CIRBP: variants seen among roughly 807,000 people sequenced by gnomAD.
CIRBP encodes the protein cold-inducible RNA-binding protein.
A neutral mutation model predicts 22.3 loss-of-function variants in CIRBP; 11 were observed. The ratio of observed to expected loss-of-function variants is 0.49; its 90% CI spans 0.31 to 0.82. CIRBP has a LOEUF of 0.82. CIRBP is among the 40% of genes least tolerant of loss of function. The pLI is 0.05. For synonymous variants in CIRBP, 216 were observed against 158.8 expected (o/e 1.36, Z -2.71); for missense variants, 456 against 402.7 (o/e 1.13, Z -1.13).
rs753333330 is a variant in CIRBP, at chr19:1,271,293, A to G, written c.211-36A>G. 3 of 1,613,938 alleles carry G rather than the reference A, an allele frequency of 1.9e-6. No homozygotes were observed. In the South Asian group the frequency reaches 3.3e-5, roughly 18 times the overall value. On this transcript the variant is annotated intron_variant, in intron 3 of 5. Transcript: ENST00000587896. ...AGGAGTCCCGTCTCGAGGATGGGGCACCCACCTGCTAACCCGTCCCGCCCT... is the reference window on the plus strand; with the variant it reads ...AGGAGTCCCGTCTCGAGGATGGGGCGCCCACCTGCTAACCCGTCCCGCCCT...
At chr19:1,274,844 G>C (rs546625390), downstream of CIRBP, 1 of 152,830 alleles carries the variant, frequency 6.5e-6, no homozygotes, top group Admixed American at 6.5e-5. Flanking sequence ...TCTGTCGGCG[G>C]AGCGGGGCCA....
intron 1 of CIRBP, 109 bp downstream of exon 1, chr19:1,269,519 G>GGGGTGGAGTCCGCCCCGCC (rs2081296907): frequency 6.4e-6 from 1 of 155,208 alleles, no homozygotes; most frequent in Non-Finnish European, 1.4e-5. Flanking sequence ...GGGCGGGCCC[G>GGGGTGGAGTCCGCCCCGCC]GGGTGGAGTC....
rs548308412 is a variant in CIRBP at position 1,271,068 on chromosome 19, C to CG, written c.103+39dup. ...CTGCTGCTGGGCCCGCGGCCCTGGG[C>CG]GGGGGGGCTTGTGCTCCTCCTACCT... is the stretch of plus-strand genomic sequence containing the variant. On this transcript the variant is annotated intron_variant, in intron 2 of 5. Transcript: ENST00000587896. 378 of 1,609,788 alleles carry CG rather than the reference C, an allele frequency of 2.3e-4. 2 individuals are homozygous for CG. In the East Asian group the frequency reaches 4.4e-3, roughly 19 times the overall value.
In CIRBP at chr19:1,271,460, C is replaced by T. The variant is rs2081338211; in HGVS notation, c.342C>T (p.Phe114=). The change falls in exon 4 of 6, where the codon TTC becomes TTT. Residue 114 remains phenylalanine (F), a synonymous_variant. Transcript: ENST00000587896. ...GGGGCCGAGGACGGGGCCGTGGGTT[C>T]TCTAGAGGTGAGTGCCATGAGTGGG... ...FRGGRGRGRG[F]SRGGGDRGYG... 1.2e-6 allele frequency: 2 copies of T among 1,608,376 alleles called. No homozygotes were observed. Among genetic ancestry groups the T allele is most frequent in the Non-Finnish European group, 8.5e-7 (1 of 1,177,240 alleles).
chr19:1,273,744 C>G lies in CIRBP; in HGVS notation c.*1301C>G, dbSNP rs953325662. On this transcript the variant is annotated 3_prime_UTR_variant, in exon 6 of 6. Transcript: ENST00000587896. ...ACTCCTTCCGCTCGTGTCCACATCCCTCTTGTTGAGAGCTCACTGAAAGTC... is the reference window on the plus strand; with the variant it reads ...ACTCCTTCCGCTCGTGTCCACATCCGTCTTGTTGAGAGCTCACTGAAAGTC... 1 of 152,256 alleles carries G rather than the reference C, an allele frequency of 6.6e-6. No individual in the cohort carries two copies. The highest frequency in any genetic ancestry group is 1.9e-4 in the East Asian group (1 of 5,208). The allele number at this position is 152,256 out of a possible 1,614,324, so 9.4% of individuals were successfully genotyped here.
chr19:1,273,490 C>G lies in CIRBP; in HGVS notation c.*1047C>G, dbSNP rs533365332. On this transcript the variant is annotated 3_prime_UTR_variant, in exon 6 of 6. Transcript: ENST00000587896. ...TGACGCTGACCTGGACTGCCTCAGT[C>G]TAGAAGCAGGCCAGAGAGCAGAGGC... is the stretch of plus-strand genomic sequence containing the variant. The G allele has an allele frequency of 1.3e-5, 2 of 152,440 alleles. No individual in the cohort carries two copies. The highest frequency in any genetic ancestry group is 1.3e-4 in the Admixed American group (2 of 15,308). The allele number at this position is 152,440 out of a possible 1,614,324, so 9.4% of individuals were successfully genotyped here. A position where few individuals can be genotyped will look rare whatever the true frequency, so the allele number is the denominator to read the frequency against.
At position 1,272,431 on chromosome 19, in the gene CIRBP, A is replaced by G. The variant is rs138494654; in HGVS notation, c.882A>G (p.Thr294=). Residue 294 remains threonine (T), a synonymous_variant, in exon 6 of 6, where the codon ACA becomes ACG. Coordinates refer to ENST00000587896, the MANE Select transcript of CIRBP (RefSeq NM_001300829.2). ...GTGCCTGCTTCTTGTCCTCAGCTAC[A>G]CACAACGAGTAAAAACCCTTCCTGC... is the stretch of plus-strand genomic sequence containing the variant. The part of the protein sequence containing the change: ...LHCACFLSSA[T]HNE The G allele has an allele frequency of 1.1e-3, 1,640 of 1,545,626 alleles. 1 individual carries two copies. The highest frequency in any genetic ancestry group is 1.1e-3 in the Non-Finnish European group (1,250 of 1,147,526).
intron 1 of CIRBP, chr19:1,269,713 G>A: frequency 2.8e-6 from 1 of 354,736 alleles, no homozygotes; most frequent in South Asian, 2.1e-5. Flanking sequence ...CAGGGTGCGC[G>A]CGGGGCGCAT....
At position 1,273,484 on chromosome 19, in the gene CIRBP, C is replaced by T. The variant is rs1199679019; in HGVS notation, c.*1041C>T. ...TGCACCTGACGCTGACCTGGACTGC[C>T]TCAGTCTAGAAGCAGGCCAGAGAGC... On this transcript the variant is annotated 3_prime_UTR_variant, in exon 6 of 6. Coordinates refer to ENST00000587896, the MANE Select transcript of CIRBP (RefSeq NM_001300829.2). 6.6e-6 allele frequency: 1 copy of T among 152,328 alleles called. No individual in the cohort carries two copies. The highest frequency in any genetic ancestry group is 2.4e-5 in the African/African-American group (1 of 41,458). 9.4% of individuals were successfully genotyped at this position (152,328 alleles called of 1,614,324 possible).
At chr19:1,270,365 T>C (rs1313169494) in intron 1 of CIRBP, 1 of 349,140 alleles carries the variant, frequency 2.9e-6, no homozygotes, top group Non-Finnish European at 5.7e-6. Context: ...AGTGCAGTCC[T>C]GCCCAGGGCA....
chr19:1,271,436 G>A lies in CIRBP; in HGVS notation c.318G>A (p.Gly106=), dbSNP rs771130355. Residue 106 remains glycine (G), a synonymous_variant, in exon 4 of 6, where the codon GGG becomes GGA. Coordinates refer to ENST00000587896, the MANE Select transcript of CIRBP (RefSeq NM_001300829.2). ...GSAGGRGFFR[G]GRGRGRGFSR... is the part of the protein sequence containing the mutation. The stretch of plus-strand genomic sequence containing the variant: ...CCGGGGGCCGGGGCTTCTTCCGTGG[G>A]GGCCGAGGACGGGGCCGTGGGTTCT... 49 of 1,612,606 alleles carry A rather than the reference G, an allele frequency of 3.0e-5. No homozygotes were observed. Among genetic ancestry groups the A allele is most frequent in the Non-Finnish European group, 3.1e-5 (36 of 1,179,414 alleles).
chr19:1,272,410 C>G lies in CIRBP; in HGVS notation c.861C>G (p.Ala287=). The change falls in exon 6 of 6, where the codon GCC becomes GCG. Residue 287 remains alanine (A), a synonymous_variant. Transcript: ENST00000587896. ...TTGCTTCGGTGCCTTTACACTGTGC[C>G]TGCTTCTTGTCCTCAGCTACACACA... The part of the protein sequence containing the change: ...PLVASVPLHC[A]CFLSSATHNE 6.4e-7 allele frequency: 1 copy of G among 1,571,518 alleles called. No homozygotes were observed. The highest frequency in any genetic ancestry group is 1.9e-5 in the Admixed American group (1 of 51,850).
intron 3 of CIRBP, 22 bp downstream of exon 3, chr19:1,271,268 A>G (rs2081334321): frequency 6.2e-7 from 1 of 1,614,024 alleles, no homozygotes. Flanking sequence ...GGTGCTGAGC[A>G]GGAGTCCCGT....
At position 1,274,440 on chromosome 19, in the gene CIRBP, TGTAA is replaced by T; in HGVS notation, c.*2000_*2003del. On this transcript the variant is annotated 3_prime_UTR_variant, in exon 6 of 6. Coordinates refer to ENST00000587896, the MANE Select transcript of CIRBP (RefSeq NM_001300829.2). ...CCGCTTGCCCAGGAGGCTTGTCCCC[TGTAA>T]GTGCTTTCGGGAAGAGTGGCATGTG... 2 of 398,264 alleles carry T rather than the reference TGTAA, an allele frequency of 5.0e-6. No homozygotes were observed. The highest frequency in any genetic ancestry group is 4.4e-6 in the Non-Finnish European group (1 of 224,856). 24.7% of individuals were successfully genotyped at this position (398,264 alleles called of 1,614,324 possible). A position where few individuals can be genotyped will look rare whatever the true frequency, so the allele number is the denominator to read the frequency against.
Position 1,272,192 on chromosome 19 carries a change from C to CA in CIRBP, c.644dup (p.Ser216GlufsTer12), listed in dbSNP as rs763644181. 19 of 1,597,136 alleles carry CA rather than the reference C, an allele frequency of 1.2e-5. No individual in the cohort carries two copies. In the Admixed American group the frequency reaches 3.2e-4, roughly 27 times the overall value. ...CCCAGAAGAGGCGCATCTGTCCTCT[C>CA]AGAGCCATTTCTATCGCAGGACGCA... On this transcript the variant is annotated frameshift_variant, in exon 6 of 6. Transcript: ENST00000587896. LOFTEE classifies it low-confidence loss of function (END_TRUNC).
At chr19:1,269,949 A>T in intron 1 of CIRBP, 1 of 519,850 alleles carries the variant, frequency 1.9e-6, no homozygotes, top group Non-Finnish European at 3.8e-6. Context: ...TTTGCGCCCA[A>T]AGTTTGGTCC....
chr19:1,272,675 T>C lies in CIRBP; in HGVS notation c.*232T>C. The C allele has an allele frequency of 2.4e-6, 1 of 414,522 alleles. No homozygotes were observed. The allele number at this position is 414,522 out of a possible 1,614,324, so 25.7% of individuals were successfully genotyped here. On this transcript the variant is annotated 3_prime_UTR_variant, in exon 6 of 6. Transcript: ENST00000587896. ...TTTTTTTTTGAGGGTTTTCAAAACA[T>C]TTTGAAAAGCATTTACTTTTTTGAC...
chr19:1,273,770 A>C lies in CIRBP; in HGVS notation c.*1327A>C, dbSNP rs2081379721. The stretch of plus-strand genomic sequence containing the variant: ...TCTTGTTGAGAGCTCACTGAAAGTC[A>C]TGTGCCCGGGGAATGTTCCTGTGAC... On this transcript the variant is annotated 3_prime_UTR_variant, in exon 6 of 6. Coordinates refer to ENST00000587896, the MANE Select transcript of CIRBP (RefSeq NM_001300829.2). The C allele has an allele frequency of 6.6e-6, 1 of 151,772 alleles. No individual in the cohort carries two copies. The highest frequency in any genetic ancestry group is 1.5e-5 in the Non-Finnish European group (1 of 68,014). 9.4% of individuals were successfully genotyped at this position (151,772 alleles called of 1,614,324 possible). A position where few individuals can be genotyped will look rare whatever the true frequency, so the allele number is the denominator to read the frequency against.
rs1336353037 is a variant in CIRBP, at chr19:1,272,795, G to A, written c.*352G>A. On this transcript the variant is annotated 3_prime_UTR_variant, in exon 6 of 6. Coordinates refer to ENST00000587896, the MANE Select transcript of CIRBP (RefSeq NM_001300829.2). ...GCGTTGCCTTTTTTTTTTTAGTGGG[G>A]TTGGCCCCATGAAGTGGGTGCCCCA... 1.6e-5 allele frequency: 3 copies of A among 188,438 alleles called. No homozygotes were observed. Among genetic ancestry groups the A allele is most frequent in the East Asian group, 2.9e-4 (2 of 6,958 alleles). The allele number at this position is 188,438 out of a possible 1,614,324, so 11.7% of individuals were successfully genotyped here. A position where few individuals can be genotyped will look rare whatever the true frequency, so the allele number is the denominator to read the frequency against.
Sources: gnomAD v4.1 joint callset for allele counts on GRCh38, gnomAD v4.1.1 for gene constraint, MANE v1.5 for transcripts, NCBI Gene and HGNC (gene_info 2026-07-23, HGNC 2026-07-21) for gene names.